GADL1: variants seen among roughly 807,000 people sequenced by gnomAD.
GADL1 encodes the protein acidic amino acid decarboxylase GADL1.
GADL1 carries 71 observed loss-of-function variants against 69.5 expected under a neutral mutation model. The ratio of observed to expected loss-of-function variants is 1.02; its 90% CI spans 0.84 to 1.25. The LOEUF is 1.25. Ranked by LOEUF, GADL1 falls within the 50% of genes most tolerant of loss-of-function variation. GADL1 has a pLI of 0.00. For missense variants in GADL1, 737 were observed against 631.8 expected (o/e 1.17, Z -1.79); for synonymous variants, 254 against 214.4 (o/e 1.18, Z -1.62).
chr3:30,751,540 C>T (rs1695817699), intron 14 of GADL1, among the ~76,000 whole-genome samples: 1 of 150,740 alleles, frequency 6.6e-6, no homozygotes, highest in Non-Finnish European at 1.5e-5. Flanking sequence ...TGAAAATAGG[C>T]AAGCTGGAAA....
At chr3:30,762,398 TAC>T (rs1696159051) in intron 14 of GADL1, among the ~76,000 whole-genome samples, 1 of 152,252 alleles carries the variant, frequency 6.6e-6, no homozygotes, top group South Asian at 2.1e-4. Context: ...CATGAAAAAA[TAC>T]ACAAAGCATA....
At chr3:30,851,711 C>T (rs1283224810) in intron 4 of GADL1, among the ~76,000 whole-genome samples, 3 of 152,112 alleles carry the variant, frequency 2.0e-5, no homozygotes, top group Non-Finnish European at 4.4e-5. Context: ...TCTTGAAGGG[C>T]CACTGTAGTT....
At chr3:30,880,744 A>G (rs1698631733) in intron 1 of GADL1, among the ~76,000 whole-genome samples, 1 of 151,936 alleles carries the variant, frequency 6.6e-6, no homozygotes, top group African/African-American at 2.4e-5. Flanking sequence ...CCTGGAACCA[A>G]TTCCCTGCAG....
At chr3:30,729,380 C>G (rs1695420677) in intron 14 of GADL1, among the ~76,000 whole-genome samples, 1 of 152,116 alleles carries the variant, frequency 6.6e-6, no homozygotes, top group Admixed American at 6.6e-5. Flanking sequence ...TATTTTAACT[C>G]TGAAAACTTT....
chr3:30,846,041 GAGAT>G (rs1698048420), intron 6 of GADL1, among the ~76,000 whole-genome samples: 1 of 146,032 alleles, frequency 6.8e-6, no homozygotes, highest in Non-Finnish European at 1.5e-5. Flanking sequence ...ATGTCAATCT[GAGAT>G]AGATAGATCA....
intron 1 of GADL1, among the ~76,000 whole-genome samples, chr3:30,888,061 C>T (rs1368748472): frequency 5.4e-5 from 8 of 148,902 alleles, no homozygotes; most frequent in Non-Finnish European, 1.5e-5. Context: ...ACACCTAATA[C>T]GATGTAAGTG....
At chr3:30,889,084 T>TAAAAAAAAAAAAAAAAAAA (rs60227313) in intron 1 of GADL1, among the ~76,000 whole-genome samples, 3 of 32,916 alleles carry the variant, frequency 9.1e-5, no homozygotes, top group Non-Finnish European at 2.0e-4. Flanking sequence ...CGGTAATCTA[T>TAAAAAAAAAAAAAAAAAAA]AAAAAAAAAA....
chr3:30,843,288 C>A (rs1235950013), intron 8 of GADL1, among the ~76,000 whole-genome samples: 2 of 140,002 alleles, frequency 1.4e-5, no homozygotes, highest in Non-Finnish European at 3.0e-5. Context: ...TGGAGTCTTA[C>A]TCTGTCTCTC....
At chr3:30,882,717 T>G (rs925535371) in intron 1 of GADL1, among the ~76,000 whole-genome samples, 3 of 151,946 alleles carry the variant, frequency 2.0e-5, no homozygotes, top group Non-Finnish European at 4.4e-5. Flanking sequence ...TCTATTTCTA[T>G]TTTTTGATTT....
At chr3:30,828,679 TTGCATCTA>T (rs973389553) in intron 11 of GADL1, among the ~76,000 whole-genome samples, 14 of 151,922 alleles carry the variant, frequency 9.2e-5, no homozygotes, top group African/African-American at 3.4e-4. Flanking sequence ...AGGAAAATGT[TTGCATCTA>T]TGTCATTAAG....
At chr3:30,763,249 A>G (rs1225191940) in intron 14 of GADL1, among the ~76,000 whole-genome samples, 1 of 152,160 alleles carries the variant, frequency 6.6e-6, no homozygotes, top group Non-Finnish European at 1.5e-5. Flanking sequence ...CTGTAATCCC[A>G]GCACTTTGGG....
intron 11 of GADL1, among the ~76,000 whole-genome samples, chr3:30,824,431 G>T (rs7646511): frequency 6.6e-6 from 1 of 151,354 alleles, no homozygotes; most frequent in East Asian, 1.9e-4. Flanking sequence ...TCCTAAATGT[G>T]GTCTTCAAGA....
rs184631056 is a variant in GADL1 at position 30,773,049 on chromosome 3, G to C, written c.1392+5130C>G. 4.6e-5 allele frequency among the ~76,000 whole-genome samples: 7 copies of C among 152,152 alleles called. No homozygotes were observed. The East Asian group carries it at 1.4e-3, about 29-fold the overall frequency. On this transcript the variant is annotated intron_variant, in intron 14 of 14. Transcript: ENST00000282538. The stretch of plus-strand genomic sequence containing the variant: ...AGAGATAGGGAGGAATGACATATTG[G>C]ACACAATACCTGGGAACACATCATG...
intron 14 of GADL1, among the ~76,000 whole-genome samples, chr3:30,770,210 C>T (rs571021657): frequency 5.3e-5 from 8 of 152,236 alleles, no homozygotes; most frequent in East Asian, 1.9e-4. Context: ...AGCTTCTATA[C>T]GTACTTGGGT....
intron 9 of GADL1, among the ~76,000 whole-genome samples, chr3:30,834,705 A>G (rs1344293233): frequency 6.6e-6 from 1 of 152,108 alleles, no homozygotes; most frequent in Non-Finnish European, 1.5e-5. Context: ...TTGACAAGGT[A>G]GATAGAAGGC....
chr3:30,830,673 T>C (rs903458205), intron 11 of GADL1, among the ~76,000 whole-genome samples: 5 of 152,004 alleles, frequency 3.3e-5, no homozygotes, highest in African/African-American at 1.2e-4. Flanking sequence ...CCCATTCCTA[T>C]GACCTCAGAT....
chr3:30,728,760 A>G (rs112006596), intron 14 of GADL1, among the ~76,000 whole-genome samples: 1 of 152,054 alleles, frequency 6.6e-6, no homozygotes, highest in Non-Finnish European at 1.5e-5. Context: ...TCATTATTCA[A>G]TGCTGCCTCA....
chr3:30,866,955 C>G (rs896110515), intron 1 of GADL1, among the ~76,000 whole-genome samples: 6 of 152,032 alleles, frequency 3.9e-5, no homozygotes, highest in Non-Finnish European at 8.8e-5. Context: ...CCTTTTCATA[C>G]AATCCAATAA....
chr3:30,765,077 A>C (rs1212107787), intron 14 of GADL1, among the ~76,000 whole-genome samples: 3 of 152,010 alleles, frequency 2.0e-5, no homozygotes, highest in Non-Finnish European at 4.4e-5. Context: ...CAGAACCAAA[A>C]CTAAATAGCA....
Sources: allele counts gnomAD v4.1 joint callset (sites outside exome capture counted in the v4.1 genomes callset), GRCh38; gene constraint gnomAD v4.1.1; transcripts MANE v1.5; gene names NCBI Gene and HGNC (gene_info 2026-07-23, HGNC 2026-07-21).